Variants in DENND1A observed in about 807,000 individuals in gnomAD.
DENND1A encodes the protein DENN domain-containing protein 1A.
Under a neutral mutation model 113.7 loss-of-function variants are expected in DENND1A, and 51 were observed. The ratio of observed to expected loss-of-function variants is 0.45; its 90% CI spans 0.36 to 0.57. DENND1A has a LOEUF of 0.57. Ranked by LOEUF, DENND1A falls within the 20% of genes least tolerant of loss-of-function variation. The pLI, the probability that DENND1A is intolerant of heterozygous loss-of-function variation, is 0.00. For synonymous variants in DENND1A, 565 were observed against 570.8 expected (o/e 0.99, Z 0.14); for missense variants, 1,258 against 1,395.9 (o/e 0.90, Z 1.57).
intron 5 of DENND1A, among the ~76,000 whole-genome samples, chr9:123,688,325 C>T (rs2064949259): frequency 6.6e-6 from 1 of 152,176 alleles, no homozygotes; most frequent in South Asian, 2.1e-4. Flanking sequence ...AGTGATTATA[C>T]TTTACATTTG....
At chr9:123,639,262 A>C (rs984365204) in intron 9 of DENND1A, among the ~76,000 whole-genome samples, 1 of 151,608 alleles carries the variant, frequency 6.6e-6, no homozygotes, top group African/African-American at 2.4e-5. Context: ...ACAGAGTGAA[A>C]CCTTTTCTCT....
At chr9:123,482,780 A>C (rs931330911) in intron 13 of DENND1A, among the ~76,000 whole-genome samples, 8 of 152,322 alleles carry the variant, frequency 5.3e-5, no homozygotes, top group Admixed American at 2.0e-4. Context: ...TGGGAAAGTA[A>C]CCTGTGTGCT....
At chr9:123,906,165 C>T (rs1385376725) in intron 1 of DENND1A, among the ~76,000 whole-genome samples, 1 of 150,208 alleles carries the variant, frequency 6.7e-6, no homozygotes, top group Non-Finnish European at 1.5e-5. Context: ...CCAACGAGAA[C>T]AAAGACACAA....
At chr9:123,719,193 T>C (rs539414916) in intron 5 of DENND1A, among the ~76,000 whole-genome samples, 9 of 152,298 alleles carry the variant, frequency 5.9e-5, no homozygotes, top group Middle Eastern at 3.4e-3. Context: ...AGTGTGAAAA[T>C]AGACTAACAC....
rs191608325 is a variant in DENND1A at position 123,452,257 on chromosome 9, C to A, written c.1299+19G>T. 60 of 1,613,294 alleles carry A rather than the reference C, an allele frequency of 3.7e-5. No homozygotes were observed. The highest frequency in any genetic ancestry group is 2.6e-4 in the South Asian group (24 of 91,076). Reference sequence around the variant, plus strand: ...GGGACTGATCTGTTTTGGCTCCTGACAGCAAGACCAGTACTTACGAACTTG... The same window carrying A: ...GGGACTGATCTGTTTTGGCTCCTGAAAGCAAGACCAGTACTTACGAACTTG... On this transcript the variant is annotated intron_variant, in intron 17 of 23. Coordinates refer to ENST00000394215, the MANE Select transcript of DENND1A (RefSeq NM_001352964.2).
At chr9:123,607,031 G>A (rs1195960647) in intron 11 of DENND1A, among the ~76,000 whole-genome samples, 2 of 152,188 alleles carry the variant, frequency 1.3e-5, no homozygotes, top group Non-Finnish European at 1.5e-5. Context: ...AGGCTTGACA[G>A]TAGTGGAGAG....
intron 5 of DENND1A, among the ~76,000 whole-genome samples, chr9:123,725,942 TAGTA>T (rs1185773183): frequency 2.0e-5 from 3 of 152,260 alleles, no homozygotes; most frequent in African/African-American, 7.2e-5. Flanking sequence ...GTTCAGCTTT[TAGTA>T]AGTAAGAAAA....
intron 13 of DENND1A, among the ~76,000 whole-genome samples, chr9:123,539,700 G>A (rs1176505777): frequency 6.6e-6 from 1 of 151,966 alleles, no homozygotes; most frequent in East Asian, 1.9e-4. Flanking sequence ...TGGCTAACAC[G>A]GTGAAACCCC....
chr9:123,564,768 G>A (rs2057953970), intron 12 of DENND1A, among the ~76,000 whole-genome samples: 1 of 152,164 alleles, frequency 6.6e-6, no homozygotes, highest in Non-Finnish European at 1.5e-5. Context: ...ATAGCCATAT[G>A]TGAATAGTGG....
intron 2 of DENND1A, among the ~76,000 whole-genome samples, chr9:123,839,440 TA>T (rs1841507608): frequency 6.6e-6 from 1 of 152,186 alleles, no homozygotes; most frequent in East Asian, 1.9e-4. Flanking sequence ...GGGATTCAAT[TA>T]AACACATTTA....
intron 13 of DENND1A, among the ~76,000 whole-genome samples, chr9:123,484,490 T>G (rs1238932196): frequency 6.6e-6 from 1 of 152,152 alleles, no homozygotes; most frequent in Non-Finnish European, 1.5e-5. Flanking sequence ...ACTGACCTGC[T>G]ATGTACTGGG....
At chr9:123,464,751 A>C (rs574618873) in intron 13 of DENND1A, among the ~76,000 whole-genome samples, 50 of 152,270 alleles carry the variant, frequency 3.3e-4, no homozygotes, top group African/African-American at 1.0e-3. Context: ...TTTTAATTAA[A>C]ACTTTTTTTT....
chr9:123,472,634 G>A (rs190331487), intron 13 of DENND1A, among the ~76,000 whole-genome samples: 1,971 of 152,166 alleles, frequency 0.013, 39 homozygotes, highest in South Asian at 0.021. Flanking sequence ...ATTCACTCAG[G>A]GCCCCTTGTC....
Position 123,411,775 on chromosome 9 carries a change from C to T in DENND1A, c.1542+1G>A, listed in dbSNP as rs764463633. 6.8e-5 allele frequency: 67 copies of T among 985,834 alleles called. No homozygotes were observed. Among genetic ancestry groups the T allele is most frequent in the East Asian group, 1.1e-4 (1 of 8,822 alleles). The allele number at this position is 985,834 out of a possible 1,614,324, so 61.1% of individuals were successfully genotyped here. ...GGAGGGCAGAACCACCAGCTACTCA[C>T]GGGCCTCGAGCGCTGTATCTTGGGA... On this transcript the variant is annotated splice_donor_variant, in intron 20 of 23. Transcript: ENST00000394215. LOFTEE classifies it high-confidence loss of function.
intron 3 of DENND1A, among the ~76,000 whole-genome samples, chr9:123,786,845 C>T (rs1247707417): frequency 6.6e-6 from 1 of 151,968 alleles, no homozygotes; most frequent in Non-Finnish European, 1.5e-5. Context: ...TCAAAGGTGA[C>T]CTCACCATTT....
At chr9:123,876,976 A>G (rs1015731099) in intron 2 of DENND1A, among the ~76,000 whole-genome samples, 3 of 152,168 alleles carry the variant, frequency 2.0e-5, no homozygotes, top group African/African-American at 2.4e-5. Flanking sequence ...GTTCTCACCT[A>G]TAAGTGGGAA....
intron 21 of DENND1A, among the ~76,000 whole-genome samples, chr9:123,402,898 C>T (rs1322232840): frequency 6.6e-6 from 1 of 152,148 alleles, no homozygotes; most frequent in Non-Finnish European, 1.5e-5. Context: ...CAGGGAGCTC[C>T]GCGTCTCAGG....
rs191513084 is a variant in DENND1A at position 123,568,801 on chromosome 9, A to G, written c.868-11106T>C. ...GGCATCTCCACCTCCTCAGGGGAGG[A>G]AAAAAAAACAAAACAGGAAGGGGGG... is the stretch of plus-strand genomic sequence containing the variant. On this transcript the variant is annotated intron_variant, in intron 12 of 23. Transcript: ENST00000394215. 7.9e-5 allele frequency among the ~76,000 whole-genome samples: 12 copies of G among 151,104 alleles called. No homozygotes were observed. In the East Asian group the frequency reaches 2.1e-3, roughly 27 times the overall value.
intron 3 of DENND1A, among the ~76,000 whole-genome samples, chr9:123,778,777 A>G (rs1413825402): frequency 6.6e-6 from 1 of 152,092 alleles, no homozygotes; most frequent in East Asian, 1.9e-4. Flanking sequence ...AGTGTTAAGG[A>G]GCCTGGCCAC....
Sources: allele counts gnomAD v4.1 joint callset (sites outside exome capture counted in the v4.1 genomes callset), GRCh38; gene constraint gnomAD v4.1.1; transcripts MANE v1.5; gene names NCBI Gene and HGNC (gene_info 2026-07-23, HGNC 2026-07-21).